Variants in PLXDC2 observed in about 807,000 individuals in gnomAD.
PLXDC2 encodes the protein plexin domain containing 2.
Under a neutral mutation model 68.9 loss-of-function variants are expected in PLXDC2, and 40 were observed. That is an observed-to-expected ratio of 0.58 (90% CI 0.45 to 0.76). The LOEUF is 0.76. Among genes scored for constraint, PLXDC2 ranks in the 30% least tolerant of loss-of-function variants. The probability of loss-of-function intolerance (pLI) is 0.00; values close to 1 mark genes in which losing one functional copy is unlikely to be tolerated. For synonymous variants in PLXDC2, 243 were observed against 234.2 expected (o/e 1.04, Z -0.34); for missense variants, 644 against 661.9 (o/e 0.97, Z 0.30).
chr10:19,949,152 A>T (rs1833955262), intron 1 of PLXDC2, among the ~76,000 whole-genome samples: 1 of 149,404 alleles, frequency 6.7e-6, no homozygotes. Flanking sequence ...AAAAAAGAAT[A>T]GACATACGTT....
chr10:19,977,174 G>A (rs1168142029), intron 1 of PLXDC2, among the ~76,000 whole-genome samples: 3 of 152,144 alleles, frequency 2.0e-5, no homozygotes, highest in Non-Finnish European at 4.4e-5. Context: ...ATGCTAGAAA[G>A]CCGATTGGCA....
chr10:20,244,853 C>T (rs758060878), intron 12 of PLXDC2, among the ~76,000 whole-genome samples: 6 of 152,212 alleles, frequency 3.9e-5, no homozygotes, highest in Admixed American at 2.0e-4. Context: ...CGGTGGCTCA[C>T]GCCTGTAATC....
intron 1 of PLXDC2, among the ~76,000 whole-genome samples, chr10:19,868,537 C>G (rs950188869): frequency 6.6e-6 from 1 of 151,976 alleles, no homozygotes; most frequent in South Asian, 2.1e-4. Flanking sequence ...TTTTCTGACT[C>G]TATAAAATTA....
At chr10:20,082,058 AAAAAT>A (rs1836571401) in intron 4 of PLXDC2, among the ~76,000 whole-genome samples, 5 of 137,764 alleles carry the variant, frequency 3.6e-5, no homozygotes, top group Non-Finnish European at 6.2e-5. Context: ...AAAAAAAAAA[AAAAAT>A]CAAAAAAAAA....
intron 13 of PLXDC2, among the ~76,000 whole-genome samples, chr10:20,258,848 A>C (rs1418109371): frequency 6.6e-6 from 1 of 152,040 alleles, no homozygotes; most frequent in Non-Finnish European, 1.5e-5. Flanking sequence ...TCTACCAAAA[A>C]ATAGAAAAAA....
At position 20,238,132 on chromosome 10, in the gene PLXDC2, C is replaced by T. The variant is rs1000446546; in HGVS notation, c.1313-7213C>T. 1.3e-4 allele frequency among the ~76,000 whole-genome samples: 19 copies of T among 150,606 alleles called. No homozygotes were observed. The East Asian group carries it at 3.7e-3, about 29-fold the overall frequency. On this transcript the variant is annotated intron_variant, in intron 12 of 13. Coordinates refer to ENST00000377252, the MANE Select transcript of PLXDC2 (RefSeq NM_032812.9). ...TAGAGTTTTAAAATTAAATGCTACACTTTGACAAAATAAATAAATATATAT... is the reference window on the plus strand; with the variant it reads ...TAGAGTTTTAAAATTAAATGCTACATTTTGACAAAATAAATAAATATATAT...
At chr10:20,068,356 C>G in intron 4 of PLXDC2, 117 bp downstream of exon 4, 3 of 923,358 alleles carry the variant, frequency 3.2e-6, no homozygotes. Context: ...TGTGTTTTAT[C>G]ACAAAGTCAT....
chr10:20,199,925 C>T (rs1247909379), intron 9 of PLXDC2, among the ~76,000 whole-genome samples: 1 of 151,830 alleles, frequency 6.6e-6, no homozygotes, highest in Non-Finnish European at 1.5e-5. Flanking sequence ...AAATTTGGTT[C>T]TTACTTTTCA....
intron 9 of PLXDC2, among the ~76,000 whole-genome samples, chr10:20,181,757 A>G (rs1024170123): frequency 2.0e-5 from 3 of 152,066 alleles, no homozygotes; most frequent in Non-Finnish European, 4.4e-5. Flanking sequence ...TGGGACACAG[A>G]TGACTCTGTA....
chr10:19,968,571 C>T (rs1197156485), intron 1 of PLXDC2, among the ~76,000 whole-genome samples: 1 of 152,072 alleles, frequency 6.6e-6, no homozygotes, highest in Admixed American at 6.5e-5. Context: ...CCTTGGCCGC[C>T]CAAAGTGCTG....
At chr10:19,945,737 C>T (rs899546661) in intron 1 of PLXDC2, among the ~76,000 whole-genome samples, 9 of 152,264 alleles carry the variant, frequency 5.9e-5, no homozygotes, top group Middle Eastern at 6.8e-3. Context: ...GTTCAATTGC[C>T]TCTGGATAGC....
chr10:19,889,248 C>T (rs547666777), intron 1 of PLXDC2, among the ~76,000 whole-genome samples: 2 of 151,974 alleles, frequency 1.3e-5, no homozygotes, highest in Non-Finnish European at 2.9e-5. Flanking sequence ...ATTCATATGA[C>T]AAGCTCTGTC....
At chr10:19,974,649 T>C (rs1412552490) in intron 1 of PLXDC2, among the ~76,000 whole-genome samples, 1 of 152,314 alleles carries the variant, frequency 6.6e-6, no homozygotes, top group Non-Finnish European at 1.5e-5. Context: ...TTCTCACAGT[T>C]AGCTGTAAAT....
At chr10:19,917,846 G>T (rs1833396785) in intron 1 of PLXDC2, among the ~76,000 whole-genome samples, 1 of 152,052 alleles carries the variant, frequency 6.6e-6, no homozygotes, top group African/African-American at 2.4e-5. Flanking sequence ...TCATAAACTG[G>T]GGGACTGGAC....
Position 19,816,794 on chromosome 10 carries a change from A to C in PLXDC2, c.-286A>C. 2.0e-6 allele frequency: 1 copy of C among 495,646 alleles called. No individual in the cohort carries two copies. Among genetic ancestry groups the C allele is most frequent in the Non-Finnish European group, 3.6e-6 (1 of 277,766 alleles). The allele number at this position is 495,646 out of a possible 1,614,324, so 30.7% of individuals were successfully genotyped here. A position where few individuals can be genotyped will look rare whatever the true frequency, so the allele number is the denominator to read the frequency against. Reference sequence around the variant, plus strand: ...CCGACAGTTTGCGAGCCTCGGCTGCAAGTGGCCTCTCCTCCCCGCGGTTGT... The same window carrying C: ...CCGACAGTTTGCGAGCCTCGGCTGCCAGTGGCCTCTCCTCCCCGCGGTTGT... On this transcript the variant is annotated 5_prime_UTR_variant, in exon 1 of 14. Transcript: ENST00000377252.
At position 19,817,142 on chromosome 10, in the gene PLXDC2, C is replaced by T; in HGVS notation, c.63C>T (p.Phe21=). 1 of 1,576,784 alleles carries T rather than the reference C, an allele frequency of 6.3e-7. No homozygotes were observed. The highest frequency in any genetic ancestry group is 8.6e-7 in the Non-Finnish European group (1 of 1,158,024). The change falls in exon 1 of 14, where the codon TTC becomes TTT. Residue 21 remains phenylalanine, a synonymous_variant. Coordinates refer to ENST00000377252, the MANE Select transcript of PLXDC2 (RefSeq NM_032812.9). ...AAGVMLLCHF[F]TDQFQFADGK... ...GAGTTATGTTACTTTGCCACTTCTTCACGGACCAGTTTCAGTTCGCCGATG... is the reference window on the plus strand; with the variant it reads ...GAGTTATGTTACTTTGCCACTTCTTTACGGACCAGTTTCAGTTCGCCGATG...
intron 13 of PLXDC2, among the ~76,000 whole-genome samples, chr10:20,251,179 C>G (rs1835670575): frequency 6.6e-6 from 1 of 152,094 alleles, no homozygotes; most frequent in Non-Finnish European, 1.5e-5. Context: ...CTATATTGCT[C>G]CATCATTCTC....
rs528437014 is a variant in PLXDC2 at position 20,066,225 on chromosome 10, A to T, written c.472-1945A>T. On this transcript the variant is annotated intron_variant, in intron 3 of 13. Transcript: ENST00000377252. ...TTCAGAATTCTTGAAGCATTTGCAAATTCCCTTTGAAGATCTATTTGTCCT... is the reference window on the plus strand; with the variant it reads ...TTCAGAATTCTTGAAGCATTTGCAATTTCCCTTTGAAGATCTATTTGTCCT... Among the ~76,000 whole-genome samples, 13 of 152,326 alleles carry T rather than the reference A, an allele frequency of 8.5e-5. 1 individual carries two copies. The East Asian group carries it at 2.1e-3, about 25-fold the overall frequency.
intron 4 of PLXDC2, among the ~76,000 whole-genome samples, chr10:20,126,811 A>ATAGAACACACGTTATATATGTATT (rs1833796360): frequency 6.8e-6 from 1 of 147,672 alleles, no homozygotes; most frequent in African/African-American, 2.5e-5. Flanking sequence ...ATATATGTAT[A>ATAGAACACACGTTATATATGTATT]TATAACATAT....
Sources: allele counts gnomAD v4.1 joint callset (sites outside exome capture counted in the v4.1 genomes callset), GRCh38; gene constraint gnomAD v4.1.1; transcripts MANE v1.5; gene names NCBI Gene and HGNC (gene_info 2026-07-23, HGNC 2026-07-21).